Variants in MBNL1 observed in about 807,000 individuals in gnomAD.
The protein encoded by MBNL1 is muscleblind-like protein 1.
In MBNL1, 8 loss-of-function variants were observed where a neutral mutation model predicts 42.2. That is an observed-to-expected ratio of 0.19 (90% confidence interval 0.11 to 0.34). MBNL1 has a LOEUF of 0.34. Ranked by LOEUF, MBNL1 falls within the 10% of genes least tolerant of loss-of-function variation. The pLI, the probability that MBNL1 is intolerant of heterozygous loss-of-function variation, is 1.00. For synonymous variants in MBNL1, 169 were observed against 173.9 expected (o/e 0.97, Z 0.22); for missense variants, 309 against 495.3 (o/e 0.62, Z 3.57).
chr3:152,438,789 T>C (rs947858762), intron 4 of MBNL1, among the ~76,000 whole-genome samples: 16 of 152,248 alleles, frequency 1.1e-4, no homozygotes. Context: ...GTAAATGATA[T>C]GGTTTTTTGT....
chr3:152,349,582 T>C (rs2094695615), intron 2 of MBNL1, among the ~76,000 whole-genome samples: 1 of 152,146 alleles, frequency 6.6e-6, no homozygotes, highest in Non-Finnish European at 1.5e-5. Flanking sequence ...CTGGAAGTGC[T>C]GGATATAATT....
chr3:152,456,458 G>GA, intron 8 of MBNL1, 97 bp downstream of exon 8: 1 of 986,668 alleles, frequency 1.0e-6, no homozygotes, highest in Non-Finnish European at 1.6e-6. Flanking sequence ...AGGTCAGTGG[G>GA]AATCGTGTGT....
In MBNL1 at chr3:152,412,302, T is replaced by C. The variant is rs528116010; in HGVS notation, c.175-2639T>C. Among the ~76,000 whole-genome samples, 11 of 152,300 alleles carry C rather than the reference T, an allele frequency of 7.2e-5. No homozygotes were observed. In the South Asian group the frequency reaches 2.3e-3, roughly 32 times the overall value. The stretch of plus-strand genomic sequence containing the variant: ...TTTTTCCACACATGTCAAATGAAAA[T>C]TTATCTGGCTTTGCACAATTGTATT... On this transcript the variant is annotated intron_variant, in intron 2 of 9. Coordinates refer to ENST00000324210, the MANE Select transcript of MBNL1 (RefSeq NM_021038.5).
intron 2 of MBNL1, chr3:152,396,172 AC>A: frequency 2.7e-6 from 1 of 368,580 alleles, no homozygotes; most frequent in Non-Finnish European, 5.5e-6. Context: ...CCCAGATAGG[AC>A]CATCTAGTTG....
chr3:152,351,638 G>A (rs1471211104), intron 2 of MBNL1, among the ~76,000 whole-genome samples: 1 of 152,110 alleles, frequency 6.6e-6, no homozygotes, highest in East Asian at 1.9e-4. Flanking sequence ...GGGTTTTAAG[G>A]TAGTGGGCTT....
At chr3:152,446,262 AT>A (rs1245777224) in intron 5 of MBNL1, among the ~76,000 whole-genome samples, 2 of 152,000 alleles carry the variant, frequency 1.3e-5, no homozygotes, top group Non-Finnish European at 2.9e-5. Context: ...TAATGTTGTC[AT>A]TTTTTTACAT....
At chr3:152,417,724 T>C (rs1222816905) in intron 3 of MBNL1, among the ~76,000 whole-genome samples, 1 of 151,904 alleles carries the variant, frequency 6.6e-6, no homozygotes, top group Non-Finnish European at 1.5e-5. Flanking sequence ...CAGGCAGAGA[T>C]TCATAGTAGT....
upstream of MBNL1, chr3:152,267,582 G>A (rs1044684146): frequency 2.0e-5 from 3 of 152,210 alleles, no homozygotes; most frequent in Non-Finnish European, 4.4e-5. Context: ...CTCTGAGAAA[G>A]TGTCAGTGTT....
chr3:152,433,997 A>G (rs534207970), intron 4 of MBNL1, among the ~76,000 whole-genome samples: 3 of 152,308 alleles, frequency 2.0e-5, no homozygotes, highest in Non-Finnish European at 4.4e-5. Context: ...GAACCCACCT[A>G]AAGAACAAAA....
At chr3:152,426,347 T>C (rs1187126752) in intron 3 of MBNL1, among the ~76,000 whole-genome samples, 1 of 152,158 alleles carries the variant, frequency 6.6e-6, no homozygotes, top group Non-Finnish European at 1.5e-5. Context: ...GAATTTAAAG[T>C]ATAATAAAAA....
intron 2 of MBNL1, among the ~76,000 whole-genome samples, chr3:152,353,093 A>T (rs2153010887): frequency 6.6e-6 from 1 of 152,330 alleles, no homozygotes; most frequent in South Asian, 2.1e-4. Context: ...TGTCTTTTAT[A>T]TGAGAGTACA....
intron 2 of MBNL1, among the ~76,000 whole-genome samples, chr3:152,407,963 C>T (rs1405507955): frequency 6.6e-6 from 1 of 151,980 alleles, no homozygotes; most frequent in Non-Finnish European, 1.5e-5. Flanking sequence ...ACAACATACA[C>T]TGGAGTTTGT....
chr3:152,324,451 C>T (rs985247091), intron 2 of MBNL1, among the ~76,000 whole-genome samples: 1 of 152,112 alleles, frequency 6.6e-6, no homozygotes, highest in Non-Finnish European at 1.5e-5. Context: ...AGTGCTGGAA[C>T]TGGTTTATGT....
chr3:152,308,243 T>C (rs1359968554), intron 2 of MBNL1, among the ~76,000 whole-genome samples: 2 of 152,204 alleles, frequency 1.3e-5, no homozygotes, highest in African/African-American at 2.4e-5. Context: ...AGAAGTGTTA[T>C]CTTATCATAA....
intron 2 of MBNL1, among the ~76,000 whole-genome samples, chr3:152,379,501 A>G (rs1299434903): frequency 6.6e-5 from 10 of 152,198 alleles, no homozygotes; most frequent in African/African-American, 2.4e-4. Flanking sequence ...CAAATTGTTC[A>G]GAATTGTCTT....
chr3:152,427,523 G>A (rs918323878), intron 3 of MBNL1, among the ~76,000 whole-genome samples: 2 of 151,994 alleles, frequency 1.3e-5, no homozygotes, highest in African/African-American at 4.8e-5. Flanking sequence ...CAAAGTGCTG[G>A]GATCATAGGC....
At chr3:152,455,713 C>G in intron 7 of MBNL1, 136 bp downstream of exon 7, 1 of 738,840 alleles carries the variant, frequency 1.4e-6, no homozygotes, top group Non-Finnish European at 2.3e-6. Flanking sequence ...CAATTAAATG[C>G]CATTTTCTGT....
chr3:152,428,653 C>G lies in MBNL1; in HGVS notation c.346-4064C>G, dbSNP rs372702890. Among the ~76,000 whole-genome samples the G allele has an allele frequency of 8.4e-4, 128 of 152,252 alleles. No homozygotes were observed. In the South Asian group the frequency reaches 0.019, roughly 22 times the overall value. On this transcript the variant is annotated intron_variant, in intron 3 of 9. Coordinates refer to ENST00000324210, the MANE Select transcript of MBNL1 (RefSeq NM_021038.5). Reference sequence around the variant, plus strand: ...AAATGTACCTATATCTGTAGAAAACCACATAGTGTGTGGAACTAGAATCAC... The same window carrying G: ...AAATGTACCTATATCTGTAGAAAACGACATAGTGTGTGGAACTAGAATCAC...
intron 2 of MBNL1, among the ~76,000 whole-genome samples, chr3:152,353,595 A>C (rs945984789): frequency 4.0e-5 from 6 of 151,456 alleles, no homozygotes; most frequent in African/African-American, 1.5e-4. Flanking sequence ...TAAAACATAA[A>C]TTCTATACTA....
Sources: allele counts gnomAD v4.1 joint callset (sites outside exome capture counted in the v4.1 genomes callset), GRCh38; gene constraint gnomAD v4.1.1; transcripts MANE v1.5; gene names NCBI Gene and HGNC (gene_info 2026-07-23, HGNC 2026-07-21).